The following GPAM variants were observed in gnomAD, a reference collection of about 807,000 sequenced individuals.
GPAM encodes glycerol-3-phosphate acyltransferase, mitochondrial.
In GPAM, 56 loss-of-function variants were observed where a neutral mutation model predicts 105.0. The observed-to-expected ratio is 0.53, with a 90% CI of 0.43 to 0.67. The LOEUF (loss-of-function observed/expected upper bound fraction) is 0.67. Among genes scored for constraint, GPAM ranks in the 30% least tolerant of loss-of-function variants. The pLI is 0.00. For synonymous variants in GPAM, 368 were observed against 354.4 expected, an observed-to-expected ratio of 1.04 and a Z score of -0.43; for missense variants, 855 against 989.8, an observed-to-expected ratio of 0.86 and a Z score of 1.83.
At chr10:112,217,720 T>C (rs2133313598), upstream of GPAM, among the ~76,000 whole-genome samples, 1 of 152,248 alleles carries the variant, frequency 6.6e-6, no homozygotes, top group East Asian at 1.9e-4. Flanking sequence ...AAAAGGAAGG[T>C]AGTATTTTTA....
the GPAM span, among the ~76,000 whole-genome samples, chr10:112,227,154 G>A: frequency 2.6e-5 from 4 of 152,196 alleles, no homozygotes; most frequent in East Asian, 7.7e-4. Context: ...CAACCTCTAA[G>A]GCTCACTACA....
Position 112,156,095 on chromosome 10 carries a change from C to G in GPAM, c.2122-42G>C, listed in dbSNP as rs1564809502. ...AGGAGATGAAGTCATGAGGAAGGGA[C>G]AAGAGACACAAGGCAAGTGGACAGA... On this transcript the variant is annotated intron_variant, in intron 19 of 21. Transcript: ENST00000348367. 4 of 1,375,732 alleles carry G rather than the reference C, an allele frequency of 2.9e-6. 1 individual carries two copies. The South Asian group carries it at 3.6e-5, about 12-fold the overall frequency. 85.2% of individuals were successfully genotyped at this position (1,375,732 alleles called of 1,614,324 possible).
In GPAM at chr10:112,181,733, G is replaced by A; in HGVS notation, c.52C>T (p.His18Tyr). The A allele has an allele frequency of 6.2e-7, 1 of 1,610,992 alleles. No individual in the cohort carries two copies. Among genetic ancestry groups the A allele is most frequent in the Admixed American group, 1.7e-5 (1 of 60,020 alleles). ...LGTIDVSYLP[H>Y]SSEYSVGRCK... ...CGACCAACACTGTATTCTGATGAAT[G>A]TGGCAGATAAGAAACATCTATTGTA... Residue 18 changes from histidine (H) to tyrosine (Y), a missense_variant, in exon 3 of 22, where the codon CAT becomes TAT. Physicochemically the swap from His to Tyr is moderately conservative, Grantham distance 83. Transcript: ENST00000348367.
In GPAM at chr10:112,151,168, T is replaced by C. The variant is rs75150782; in HGVS notation, c.*2382A>G. 20 of 982,250 alleles carry C rather than the reference T, an allele frequency of 2.0e-5. No individual in the cohort carries two copies. The highest frequency in any genetic ancestry group is 2.4e-5 in the Non-Finnish European group (20 of 826,666). 60.8% of individuals were successfully genotyped at this position (982,250 alleles called of 1,614,324 possible). A position where few individuals can be genotyped will look rare whatever the true frequency, so the allele number is the denominator to read the frequency against. Reference sequence around the variant, plus strand: ...CCCCTGAAGAAGGGCATGCATTTCATGTTACAGAAATGCGATAGAGTAAAC... The same window carrying C: ...CCCCTGAAGAAGGGCATGCATTTCACGTTACAGAAATGCGATAGAGTAAAC... On this transcript the variant is annotated 3_prime_UTR_variant, in exon 22 of 22. Transcript: ENST00000348367.
the GPAM span, among the ~76,000 whole-genome samples, chr10:112,220,854 A>T: frequency 1.8e-5 from 1 of 54,696 alleles, no homozygotes; most frequent in African/African-American, 1.7e-4. Context: ...GATCTCAAAT[A>T]CACACACACA....
intron 14 of GPAM, 136 bp downstream of exon 14, chr10:112,163,562 TTTC>T (rs1847161529): frequency 1.8e-5 from 12 of 671,094 alleles, no homozygotes; most frequent in Non-Finnish European, 3.0e-5. Context: ...TATCACCTTC[TTTC>T]TAATAACTTA....
intron 1 of GPAM, among the ~76,000 whole-genome samples, chr10:112,190,500 A>C (rs1188010407): frequency 2.3e-4 from 5 of 21,964 alleles, no homozygotes; most frequent in Admixed American, 1.4e-3. Flanking sequence ...ACTCCATCTT[A>C]AAAAAAAAAA....
In GPAM at chr10:112,172,239, T is replaced by C. The variant is rs745739028; in HGVS notation, c.737A>G (p.His246Arg). The change falls in exon 9 of 22, where the codon CAT becomes CGT. Residue 246 changes from histidine to arginine, a missense_variant. His to Arg is a conservative substitution (Grantham distance 29). Transcript: ENST00000348367. ...AGCAATGTATGGTGCTTTGATGTTA[T>C]GGCAGAAGAGAATGAAAGTGAGCAG... is the stretch of plus-strand genomic sequence containing the variant. Reference protein sequence around the residue: ...YLLLTFILFCHNIKAPYIASG... With the variant: ...YLLLTFILFCRNIKAPYIASG... 3.1e-6 allele frequency: 5 copies of C among 1,609,026 alleles called. No homozygotes were observed. The highest frequency in any genetic ancestry group is 4.3e-6 in the Non-Finnish European group (5 of 1,175,410).
chr10:112,161,549 T>C (rs1847123146), intron 15 of GPAM, 118 bp downstream of exon 15: 1 of 761,080 alleles, frequency 1.3e-6, no homozygotes, highest in South Asian at 1.5e-5. Flanking sequence ...CTTATTTTAC[T>C]GTTTACCTCA....
chr10:112,173,092 A>G lies in GPAM; in HGVS notation c.561-26T>C, dbSNP rs201605361. On this transcript the variant is annotated intron_variant, in intron 7 of 21. Transcript: ENST00000348367. ...CTGAAACAAAGTACAAACAAAAAAA[A>G]CAACATAAATGAACACACGTTATTT... is the stretch of plus-strand genomic sequence containing the variant. The G allele has an allele frequency of 7.6e-6, 10 of 1,316,740 alleles. No homozygotes were observed. The African/African-American group carries it at 1.0e-4, about 13-fold the overall frequency. The allele number at this position is 1,316,740 out of a possible 1,614,324, so 81.6% of individuals were successfully genotyped here. A position where few individuals can be genotyped will look rare whatever the true frequency, so the allele number is the denominator to read the frequency against.
At chr10:112,179,120 T>C (rs1204270024) in intron 4 of GPAM, among the ~76,000 whole-genome samples, 1 of 152,212 alleles carries the variant, frequency 6.6e-6, no homozygotes, top group Non-Finnish European at 1.5e-5. Flanking sequence ...GCAAATATTA[T>C]ACAGTTACCA....
chr10:112,153,859 T>C, intron 21 of GPAM, 193 bp from the exon 22 acceptor site: 1 of 513,714 alleles, frequency 1.9e-6, no homozygotes, highest in East Asian at 3.3e-5. Flanking sequence ...AAACAAGGTT[T>C]TCTTTTTCTA....
In GPAM at chr10:112,153,246, C is replaced by T. The variant is rs1174445596; in HGVS notation, c.*304G>A. Reference sequence around the variant, plus strand: ...CAGTAATTAGTCCTTAAAAGTTGTACTTAAAATGTCAATCTTTAATAAACT... The same window carrying T: ...CAGTAATTAGTCCTTAAAAGTTGTATTTAAAATGTCAATCTTTAATAAACT... On this transcript the variant is annotated 3_prime_UTR_variant, in exon 22 of 22. Coordinates refer to ENST00000348367, the MANE Select transcript of GPAM (RefSeq NM_001244949.2). 1.2e-5 allele frequency: 14 copies of T among 1,199,184 alleles called. No homozygotes were observed. The East Asian group carries it at 5.9e-4, about 51-fold the overall frequency. 74.3% of individuals were successfully genotyped at this position (1,199,184 alleles called of 1,614,324 possible).
At chr10:112,213,986 G>A (rs1564693042) in intron 1 of GPAM, among the ~76,000 whole-genome samples, 1 of 152,106 alleles carries the variant, frequency 6.6e-6, no homozygotes, top group Non-Finnish European at 1.5e-5. Context: ...GAAGAGGAGC[G>A]TGAGTCATTA....
intron 1 of GPAM, among the ~76,000 whole-genome samples, chr10:112,198,784 G>A (rs1395671007): frequency 6.6e-6 from 1 of 152,174 alleles, no homozygotes; most frequent in Non-Finnish European, 1.5e-5. Context: ...TGTGTCCGTT[G>A]ATGGAAGAGT....
rs1846902633 is a variant in GPAM, at chr10:112,150,818, T to C, written c.*2732A>G. ...CACAGAGCACTCATATTACATGGAG[T>C]GCTATGGGAAATGCTTTTCCCCATC... On this transcript the variant is annotated 3_prime_UTR_variant, in exon 22 of 22. Coordinates refer to ENST00000348367, the MANE Select transcript of GPAM (RefSeq NM_001244949.2). 1.0e-6 allele frequency: 1 copy of C among 984,798 alleles called. No individual in the cohort carries two copies. The highest frequency in any genetic ancestry group is 1.7e-5 in the African/African-American group (1 of 57,226). The allele number at this position is 984,798 out of a possible 1,614,324, so 61.0% of individuals were successfully genotyped here. A position where few individuals can be genotyped will look rare whatever the true frequency, so the allele number is the denominator to read the frequency against.
chr10:112,179,418 T>TCC (rs1178593273), intron 4 of GPAM, among the ~76,000 whole-genome samples: 3 of 152,236 alleles, frequency 2.0e-5, no homozygotes, highest in African/African-American at 7.2e-5. Flanking sequence ...TCAAGTGACC[T>TCC]ATTAATCTGA....
chr10:112,170,286 G>A (rs1847290707), intron 9 of GPAM, among the ~76,000 whole-genome samples: 1 of 152,120 alleles, frequency 6.6e-6, no homozygotes, highest in African/African-American at 2.4e-5. Flanking sequence ...TAAAATGAAT[G>A]AGATGAGCCA....
upstream of GPAM, among the ~76,000 whole-genome samples, chr10:112,187,357 A>C (rs2133278226): frequency 6.6e-6 from 1 of 152,314 alleles, no homozygotes; most frequent in African/African-American, 2.4e-5. Flanking sequence ...AAGTAAAAGT[A>C]AAAGGTTAGA....
Sources: gnomAD v4.1 joint callset for allele counts (sites outside exome capture counted in the v4.1 genomes callset) on GRCh38, gnomAD v4.1.1 for gene constraint, MANE v1.5 for transcripts, NCBI Gene and HGNC (gene_info 2026-07-23, HGNC 2026-07-21) for gene names.